GRIK2: variants seen among roughly 807,000 people sequenced by gnomAD.
The protein encoded by GRIK2 is glutamate receptor ionotropic, kainate 2.
Under a neutral mutation model 100.3 loss-of-function variants are expected in GRIK2, and 32 were observed. The ratio of observed to expected loss-of-function variants is 0.32; its 90% confidence interval spans 0.24 to 0.43. GRIK2 has a LOEUF of 0.43. GRIK2 is among the 20% of genes least tolerant of loss of function. The pLI is 1.00. For synonymous variants in GRIK2, 417 were observed against 389.4 expected (o/e 1.07, Z -0.83); for missense variants, 843 against 1,114.9 (o/e 0.76, Z 3.47).
intron 2 of GRIK2, among the ~76,000 whole-genome samples, chr6:101,541,690 T>C (rs1030202464): frequency 2.0e-5 from 3 of 151,980 alleles, no homozygotes; most frequent in African/African-American, 4.8e-5. Flanking sequence ...AGTAAAACAG[T>C]TTAGAAGCTT....
chr6:101,804,142 A>G (rs1020543232), intron 9 of GRIK2, among the ~76,000 whole-genome samples: 12 of 151,970 alleles, frequency 7.9e-5, no homozygotes, highest in Non-Finnish European at 1.8e-4. Flanking sequence ...ATTAATCAAG[A>G]GTCATAGTCA....
At chr6:102,028,392 A>C (rs1360194497) in intron 14 of GRIK2, among the ~76,000 whole-genome samples, 1 of 151,324 alleles carries the variant, frequency 6.6e-6, no homozygotes, top group Non-Finnish European at 1.5e-5. Flanking sequence ...AGAAAAAAAC[A>C]AATCGGCTTA....
intron 11 of GRIK2, among the ~76,000 whole-genome samples, chr6:101,871,714 C>CT (rs35114994): frequency 6.6e-6 from 1 of 151,934 alleles, no homozygotes; most frequent in Non-Finnish European, 1.5e-5. Context: ...TGATTTTGTC[C>CT]TTTTTTATGG....
chr6:101,647,156 TAGTC>T (rs1323484178), intron 4 of GRIK2, among the ~76,000 whole-genome samples: 2 of 152,014 alleles, frequency 1.3e-5, no homozygotes, highest in African/African-American at 4.8e-5. Flanking sequence ...TTGAATCTAA[TAGTC>T]AGGTTCTTCA....
At chr6:101,691,047 C>G in intron 7 of GRIK2, among the ~76,000 whole-genome samples, 1 of 152,090 alleles carries the variant, frequency 6.6e-6, no homozygotes, top group African/African-American at 2.4e-5. Flanking sequence ...TTTGAAGTCC[C>G]TATACCTAGT....
intron 10 of GRIK2, among the ~76,000 whole-genome samples, chr6:101,833,009 A>G (rs1782802290): frequency 6.6e-6 from 1 of 152,214 alleles, no homozygotes; most frequent in African/African-American, 2.4e-5. Flanking sequence ...TTTCAATAGA[A>G]TACACAAATA....
intron 14 of GRIK2, among the ~76,000 whole-genome samples, chr6:101,954,534 A>T (rs1036640650): frequency 9.2e-5 from 14 of 152,126 alleles, no homozygotes; most frequent in Non-Finnish European, 1.6e-4. Context: ...ATAGAAATAT[A>T]AGTGATTTTT....
At chr6:101,962,195 T>C (rs1792348050) in intron 14 of GRIK2, among the ~76,000 whole-genome samples, 1 of 152,156 alleles carries the variant, frequency 6.6e-6, no homozygotes, top group African/African-American at 2.4e-5. Context: ...TCTTTTTGTG[T>C]GCCCCAGCTT....
chr6:101,599,508 G>A (rs1164554816), intron 2 of GRIK2, among the ~76,000 whole-genome samples: 3 of 151,562 alleles, frequency 2.0e-5, no homozygotes, highest in Non-Finnish European at 3.0e-5. Flanking sequence ...TTTCCACAAT[G>A]CCTGAACTAA....
chr6:101,934,121 C>T (rs1426390568), intron 14 of GRIK2, among the ~76,000 whole-genome samples: 2 of 151,794 alleles, frequency 1.3e-5, no homozygotes, highest in South Asian at 2.1e-4. Context: ...TCATTATGCT[C>T]ATTTAACAGA....
chr6:101,826,899 A>T (rs962250484), intron 10 of GRIK2, among the ~76,000 whole-genome samples: 1 of 152,010 alleles, frequency 6.6e-6, no homozygotes, highest in Non-Finnish European at 1.5e-5. Flanking sequence ...ACATTGGTGA[A>T]CAGCACAACT....
chr6:101,845,175 A>G (rs1752379889), intron 10 of GRIK2, among the ~76,000 whole-genome samples: 1 of 152,062 alleles, frequency 6.6e-6, no homozygotes, highest in Admixed American at 6.6e-5. Flanking sequence ...ACACACCACC[A>G]GGCCTGGCTA....
chr6:101,449,668 C>A (rs1428320000), intron 2 of GRIK2, among the ~76,000 whole-genome samples: 4 of 151,654 alleles, frequency 2.6e-5, no homozygotes, highest in African/African-American at 9.7e-5. Flanking sequence ...GATTCAGATT[C>A]TCCTTTGTGT....
chr6:101,874,948 G>A (rs1785715939), intron 11 of GRIK2, among the ~76,000 whole-genome samples: 1 of 152,068 alleles, frequency 6.6e-6, no homozygotes, highest in African/African-American at 2.4e-5. Flanking sequence ...CATTGATTTT[G>A]TATCCTGAGA....
intron 3 of GRIK2, among the ~76,000 whole-genome samples, chr6:101,624,691 C>T (rs1780348490): frequency 6.6e-6 from 1 of 152,088 alleles, no homozygotes; most frequent in Admixed American, 6.6e-5. Context: ...CAGTGATGGG[C>T]AAACCATTGC....
At chr6:101,640,373 A>G (rs1223007472) in intron 4 of GRIK2, among the ~76,000 whole-genome samples, 10 of 152,168 alleles carry the variant, frequency 6.6e-5, no homozygotes, top group African/African-American at 1.9e-4. Flanking sequence ...ATGAAATGTG[A>G]TAAGTGGCAT....
At chr6:101,493,200 G>A (rs758012665) in intron 2 of GRIK2, among the ~76,000 whole-genome samples, 13 of 151,990 alleles carry the variant, frequency 8.6e-5, no homozygotes, top group Non-Finnish European at 1.8e-4. Context: ...GAGAAGAGAA[G>A]AGAAGCAATA....
chr6:101,881,130 GACTT>G (rs888928139), intron 11 of GRIK2, among the ~76,000 whole-genome samples: 3 of 151,688 alleles, frequency 2.0e-5, no homozygotes, highest in African/African-American at 7.2e-5. Flanking sequence ...AAATTTTGTG[GACTT>G]ACTTTATTGT....
intron 15 of GRIK2, among the ~76,000 whole-genome samples, chr6:102,052,813 C>A (rs1190949445): frequency 6.6e-6 from 1 of 152,098 alleles, no homozygotes; most frequent in African/African-American, 2.4e-5. Context: ...AGTCTGGGCA[C>A]CTTGGCTCAT....
Sources: gnomAD v4.1 joint callset for allele counts (sites outside exome capture counted in the v4.1 genomes callset) on GRCh38, gnomAD v4.1.1 for gene constraint, MANE v1.5 for transcripts, NCBI Gene and HGNC (gene_info 2026-07-23, HGNC 2026-07-21) for gene names.